Variants in RBBP8 observed in about 807,000 individuals in gnomAD.
The protein encoded by RBBP8 is RB binding protein 8, endonuclease, also known as DNA endonuclease RBBP8.
A neutral mutation model predicts 108.3 loss-of-function variants in RBBP8; 88 were observed. That is an observed-to-expected ratio of 0.81 (90% CI 0.68 to 0.97). The LOEUF (loss-of-function observed/expected upper bound fraction) is 0.97, where lower values mean the gene tolerates loss of function less well. RBBP8 is among the 50% of genes least tolerant of loss of function. The pLI is 0.00. For synonymous variants in RBBP8, 332 were observed against 348.2 expected, an observed-to-expected ratio of 0.95 and a Z score of 0.52; for missense variants, 1,023 against 1,049.0, an observed-to-expected ratio of 0.98 and a Z score of 0.34.
chr18:23,026,072 T>C, intron 18 of RBBP8, 71 bp from the exon 19 acceptor site: 1 of 1,182,506 alleles, frequency 8.5e-7, no homozygotes, highest in Non-Finnish European at 1.2e-6. Context: ...AAGAGAAATG[T>C]TTACTAGATA....
chr18:22,941,984 G>A (rs1382708166), intron 2 of RBBP8, among the ~76,000 whole-genome samples: 3 of 152,072 alleles, frequency 2.0e-5, no homozygotes, highest in Non-Finnish European at 2.9e-5. Flanking sequence ...CCATGCCTTC[G>A]TCAATATGTT....
chr18:22,922,906 A>C (rs1356246921), intron 3 of RBBP8, among the ~76,000 whole-genome samples: 4 of 152,230 alleles, frequency 2.6e-5, no homozygotes, highest in Non-Finnish European at 5.9e-5. Flanking sequence ...CCATATAATA[A>C]TACTATCTAA....
intron 4 of RBBP8, among the ~76,000 whole-genome samples, chr18:22,953,771 A>G (rs1055310993): frequency 6.7e-6 from 1 of 150,326 alleles, no homozygotes; most frequent in Non-Finnish European, 1.5e-5. Flanking sequence ...GTATTAGTCC[A>G]TTTTCACGCT....
At chr18:22,932,104 G>A (rs902333104), upstream of RBBP8, among the ~76,000 whole-genome samples, 5 of 152,184 alleles carry the variant, frequency 3.3e-5, no homozygotes, top group African/African-American at 1.2e-4. Flanking sequence ...AAGTGTCAAG[G>A]ATGACTCTTT....
chr18:23,012,254 A>T (rs932281495), intron 16 of RBBP8, among the ~76,000 whole-genome samples: 12 of 150,286 alleles, frequency 8.0e-5, no homozygotes, highest in African/African-American at 2.7e-4. Context: ...CCCTTTAAGT[A>T]TACAAGTGAA....
At chr18:22,994,757 TCTGTCACCCAGA>T (rs2045825163) in intron 12 of RBBP8, among the ~76,000 whole-genome samples, 1 of 152,020 alleles carries the variant, frequency 6.6e-6, no homozygotes, top group Non-Finnish European at 1.5e-5. Context: ...AGGGTCCTAC[TCTGTCACCCAGA>T]CTGGAGTGCA....
rs1333413918 is a variant in RBBP8, at chr18:22,946,246, G to A, written c.110-198G>A. The A allele has an allele frequency of 5.3e-6, 3 of 565,940 alleles. No individual in the cohort carries two copies. The African/African-American group carries it at 5.6e-5, about 11-fold the overall frequency. The allele number at this position is 565,940 out of a possible 1,614,324, so 35.1% of individuals were successfully genotyped here. The stretch of plus-strand genomic sequence containing the variant: ...AGATGGGGAAAATGTTATTCCATTT[G>A]ACTGTCATATGATAGACTAAAAGCA... On this transcript the variant is annotated intron_variant, in intron 2 of 18. Transcript: ENST00000327155.
chr18:22,933,938 G>A (rs1910270705), intron 1 of RBBP8: 1 of 152,452 alleles, frequency 6.6e-6, no homozygotes, highest in African/African-American at 2.4e-5. Context: ...TGGCTGGAAA[G>A]CCTTTGCCCC....
intron 1 of RBBP8, among the ~76,000 whole-genome samples, chr18:22,935,476 G>T (rs1302957071): frequency 2.6e-5 from 4 of 151,098 alleles, no homozygotes; most frequent in Admixed American, 6.6e-5. Flanking sequence ...TTTAGTTTCT[G>T]GATTATTTTT....
chr18:23,022,668 T>TAAATAAA (rs1175474463), intron 18 of RBBP8, among the ~76,000 whole-genome samples: 6 of 136,050 alleles, frequency 4.4e-5, no homozygotes, highest in Admixed American at 7.2e-5. Context: ...TAAAATAAAA[T>TAAATAAA]AAATAACTGT....
intron 17 of RBBP8, among the ~76,000 whole-genome samples, chr18:23,019,200 A>C (rs527942195): frequency 2.6e-5 from 4 of 152,350 alleles, no homozygotes; most frequent in African/African-American, 7.2e-5. Flanking sequence ...TTTAGTTATA[A>C]CCATAATTCT....
upstream of RBBP8, chr18:22,929,510 G>GTGTTT (rs147326546): frequency 5.3e-3 from 670 of 125,272 alleles, 20 homozygotes; most frequent in East Asian, 0.027. Context: ...GTGTGTGTGT[G>GTGTTT]AAGAGACAGG....
At chr18:22,929,779 G>T (rs1909955230), upstream of RBBP8, among the ~76,000 whole-genome samples, 1 of 152,118 alleles carries the variant, frequency 6.6e-6, no homozygotes, top group African/African-American at 2.4e-5. Flanking sequence ...GAGCTCAATT[G>T]TCTTGTTTAA....
intron 3 of RBBP8, among the ~76,000 whole-genome samples, chr18:22,919,588 G>GCTCTGTCA (rs1322953711): frequency 6.6e-6 from 1 of 152,006 alleles, no homozygotes; most frequent in Non-Finnish European, 1.5e-5. Flanking sequence ...AGAGAGTCTC[G>GCTCTGTCA]CTCTGTCACT....
intron 5 of RBBP8, among the ~76,000 whole-genome samples, chr18:22,974,610 C>T (rs1397918801): frequency 6.6e-6 from 1 of 152,124 alleles, no homozygotes; most frequent in Non-Finnish European, 1.5e-5. Context: ...CAGGCATGCG[C>T]CACCATGTCC....
intron 3 of RBBP8, among the ~76,000 whole-genome samples, chr18:22,918,176 C>G (rs1326997116): frequency 6.6e-6 from 1 of 152,112 alleles, no homozygotes; most frequent in Non-Finnish European, 1.5e-5. Context: ...TTTAAAAATT[C>G]AATTTCAATC....
chr18:22,986,289 C>T (rs1212179551), intron 8 of RBBP8, among the ~76,000 whole-genome samples: 2 of 152,146 alleles, frequency 1.3e-5, no homozygotes, highest in Admixed American at 1.3e-4. Context: ...CTGTGTTTAA[C>T]AATGCTAATA....
intron 5 of RBBP8, among the ~76,000 whole-genome samples, chr18:22,971,627 C>A (rs937604788): frequency 6.7e-6 from 1 of 150,264 alleles, no homozygotes; most frequent in African/African-American, 2.4e-5. Flanking sequence ...CTAGGGTGAA[C>A]CAATGTTTAA....
rs143118705 is a variant in RBBP8, at chr18:22,952,927, AT to A, written c.248+3216del. On this transcript the variant is annotated intron_variant, in intron 4 of 18. Coordinates refer to ENST00000327155, the MANE Select transcript of RBBP8 (RefSeq NM_002894.3). Reference sequence around the variant, plus strand: ...TGAGTAATGGCATTAACGCCAAGAGATTAGGAATGCTTTTTGTTCCATCATT... The same window carrying A: ...TGAGTAATGGCATTAACGCCAAGAGATAGGAATGCTTTTTGTTCCATCATT... Among the ~76,000 whole-genome samples the A allele has an allele frequency of 3.2e-3, 490 of 152,322 alleles. 6 individuals carry two copies. Among genetic ancestry groups the A allele is most frequent in the African/African-American group, 0.011 (473 of 41,576 alleles).
Sources: allele counts gnomAD v4.1 joint callset (sites outside exome capture counted in the v4.1 genomes callset), GRCh38; gene constraint gnomAD v4.1.1; transcripts MANE v1.5; gene names NCBI Gene and HGNC (gene_info 2026-07-23, HGNC 2026-07-21).